Variants in B3GALNT2 observed in about 807,000 individuals in gnomAD.
The protein encoded by B3GALNT2 is beta-1,3-N-acetylgalactosaminyltransferase 2.
Under a neutral mutation model 61.1 loss-of-function variants are expected in B3GALNT2, and 53 were observed. That is an observed-to-expected ratio of 0.87 (90% CI 0.70 to 1.09). The LOEUF (loss-of-function observed/expected upper bound fraction) is 1.09. Ranked by LOEUF, B3GALNT2 falls within the 50% of genes least tolerant of loss-of-function variation. The pLI, the probability that B3GALNT2 is intolerant of heterozygous loss-of-function variation, is 0.00. For synonymous variants in B3GALNT2, 223 were observed against 237.4 expected (o/e 0.94, Z 0.56); for missense variants, 544 against 623.0 (o/e 0.87, Z 1.35).
intron 3 of B3GALNT2, among the ~76,000 whole-genome samples, chr1:235,488,755 G>C (rs1419952175): frequency 7.6e-6 from 1 of 131,118 alleles, no homozygotes; most frequent in Admixed American, 7.9e-5. Context: ...AGACATTTTA[G>C]TCTATTAAAA....
intron 3 of B3GALNT2, among the ~76,000 whole-genome samples, chr1:235,486,854 A>G (rs1029789943): frequency 6.6e-6 from 1 of 152,156 alleles, no homozygotes; most frequent in African/African-American, 2.4e-5. Context: ...ATAACATTCT[A>G]TGGGGTTTAT....
intron 6 of B3GALNT2, among the ~76,000 whole-genome samples, chr1:235,468,894 A>AG (rs1553347536): frequency 6.6e-6 from 1 of 152,238 alleles, no homozygotes; most frequent in Non-Finnish European, 1.5e-5. Context: ...AAAATTTTTC[A>AG]TAAGACTTAA....
At chr1:235,476,239 G>A (rs997166213) in intron 5 of B3GALNT2, among the ~76,000 whole-genome samples, 4 of 151,888 alleles carry the variant, frequency 2.6e-5, no homozygotes, top group East Asian at 2.0e-4. Context: ...GTGAAACCCC[G>A]TCTGTACTAA....
chr1:235,484,004 C>A (rs1265086313), intron 4 of B3GALNT2, among the ~76,000 whole-genome samples: 1 of 152,162 alleles, frequency 6.6e-6, no homozygotes, highest in African/African-American at 2.4e-5. Context: ...ACTCACTTAT[C>A]CTAAGAATCC....
intron 5 of B3GALNT2, 90 bp from the exon 6 acceptor site, chr1:235,471,050 T>A: frequency 4.5e-6 from 7 of 1,551,246 alleles, no homozygotes; most frequent in African/African-American, 1.4e-5. Flanking sequence ...TTAGAGAAAA[T>A]TTTTCCCAAA....
chr1:235,469,370 G>A (rs942087960), intron 6 of B3GALNT2, among the ~76,000 whole-genome samples: 3 of 152,060 alleles, frequency 2.0e-5, no homozygotes, highest in African/African-American at 2.4e-5. Flanking sequence ...CGTACAGACC[G>A]TTTGTTTACT....
rs760940955 is a variant in B3GALNT2 at position 235,494,807 on chromosome 1, T to C, written c.134A>G (p.Gln45Arg). The change falls in exon 2 of 12, where the codon CAG becomes CGG. Residue 45 changes from glutamine to arginine, a missense_variant. Coordinates refer to ENST00000366600, the MANE Select transcript of B3GALNT2 (RefSeq NM_152490.5). Reference sequence around the variant, plus strand: ...CACATCATAGTGAGTAGATTTCCACTGAGGAAATAAGGCCAACTGATCTAG... The same window carrying C: ...CACATCATAGTGAGTAGATTTCCACCGAGGAAATAAGGCCAACTGATCTAG... ...GPADQLALFPQWKSTHYDVVV... is the reference protein window; with the variant it reads ...GPADQLALFPRWKSTHYDVVV... 9.3e-6 allele frequency: 15 copies of C among 1,610,030 alleles called. No homozygotes were observed. The highest frequency in any genetic ancestry group is 1.3e-5 in the Non-Finnish European group (15 of 1,177,116).
At chr1:235,475,375 G>A (rs1303669361) in intron 5 of B3GALNT2, among the ~76,000 whole-genome samples, 2 of 152,030 alleles carry the variant, frequency 1.3e-5, no homozygotes, top group Non-Finnish European at 2.9e-5. Context: ...TGAGATTTAT[G>A]CTTCAGTGAG....
At chr1:235,465,551 A>G in intron 7 of B3GALNT2, 85 bp downstream of exon 7, 1 of 1,544,248 alleles carries the variant, frequency 6.5e-7, no homozygotes, top group Non-Finnish European at 8.7e-7. Context: ...TAAAAGACAA[A>G]AAAGAAAAAA....
the B3GALNT2 span, chr1:235,441,641 A>C: frequency 1.6e-6 from 1 of 619,286 alleles, no homozygotes; most frequent in Non-Finnish European, 2.9e-6. Context: ...TGCCCTTGGA[A>C]GTGGTCGTTG....
chr1:235,441,706 A>G, the B3GALNT2 span: 1 of 988,798 alleles, frequency 1.0e-6, no homozygotes, highest in East Asian at 2.6e-5. Flanking sequence ...GTCCTGGGAA[A>G]GGCACAGGCT....
chr1:235,454,370 TATTAAA>T, intron 9 of B3GALNT2, 55 bp from the exon 10 acceptor site: 1 of 1,473,910 alleles, frequency 6.8e-7, no homozygotes, highest in Non-Finnish European at 9.3e-7. Context: ...ATCCTGCCAC[TATTAAA>T]ACTTGACTCC....
chr1:235,486,028 C>T (rs1684789749), intron 3 of B3GALNT2, among the ~76,000 whole-genome samples: 1 of 152,052 alleles, frequency 6.6e-6, no homozygotes, highest in Non-Finnish European at 1.5e-5. Context: ...GAGGAAGAGG[C>T]TGCAGTGACC....
chr1:235,460,574 CTTTG>C (rs1025010700), intron 7 of B3GALNT2, among the ~76,000 whole-genome samples: 9 of 149,422 alleles, frequency 6.0e-5, no homozygotes, highest in African/African-American at 2.0e-4. Flanking sequence ...TGATTATTTC[CTTTG>C]TTTTTTTTTT....
At position 235,448,204 on chromosome 1, in the gene B3GALNT2, G is replaced by A. The variant is rs1288322541; in HGVS notation, c.*2002C>T. 1 of 687,048 alleles carries A rather than the reference G, an allele frequency of 1.5e-6. No individual in the cohort carries two copies. The highest frequency in any genetic ancestry group is 2.5e-5 in the Admixed American group (1 of 40,418). 42.6% of individuals were successfully genotyped at this position (687,048 alleles called of 1,614,324 possible). ...GACAGAGCAAGACTTACTTAAGTAAGTAAGTAAGTCAGTCTCAAAAAAAAA... is the reference window on the plus strand; with the variant it reads ...GACAGAGCAAGACTTACTTAAGTAAATAAGTAAGTCAGTCTCAAAAAAAAA... On this transcript the variant is annotated 3_prime_UTR_variant, in exon 12 of 12. Transcript: ENST00000366600.
chr1:235,474,041 C>T (rs1684124842), intron 5 of B3GALNT2, among the ~76,000 whole-genome samples: 1 of 152,180 alleles, frequency 6.6e-6, no homozygotes, highest in Non-Finnish European at 1.5e-5. Context: ...TTGACTTACT[C>T]ATGGAACTTA....
chr1:235,492,844 A>AT (rs1307703186), intron 2 of B3GALNT2, among the ~76,000 whole-genome samples: 1 of 152,176 alleles, frequency 6.6e-6, no homozygotes, highest in Non-Finnish European at 1.5e-5. Context: ...GACGTAGGAA[A>AT]TGCAAAGGCC....
At chr1:235,480,836 G>A (rs761167119) in intron 4 of B3GALNT2, among the ~76,000 whole-genome samples, 5 of 139,232 alleles carry the variant, frequency 3.6e-5, no homozygotes, top group South Asian at 2.4e-4. Flanking sequence ...AACCCAGGAG[G>A]TGGAGGCTGC....
At position 235,449,866 on chromosome 1, in the gene B3GALNT2, G is replaced by C. The variant is rs1682787847; in HGVS notation, c.*340C>G. On this transcript the variant is annotated 3_prime_UTR_variant, in exon 12 of 12. Transcript: ENST00000366600. The stretch of plus-strand genomic sequence containing the variant: ...TTACTACTACAGATTTCTGAACTAG[G>C]CCAAGTTTTAACCAAAAACTATAGG... The C allele has an allele frequency of 5.1e-6, 1 of 197,200 alleles. No homozygotes were observed. The highest frequency in any genetic ancestry group is 1.1e-5 in the Non-Finnish European group (1 of 94,524). The allele number at this position is 197,200 out of a possible 1,614,324, so 12.2% of individuals were successfully genotyped here.
Sources: allele counts gnomAD v4.1 joint callset (sites outside exome capture counted in the v4.1 genomes callset), GRCh38; gene constraint gnomAD v4.1.1; transcripts MANE v1.5; gene names NCBI Gene and HGNC (gene_info 2026-07-23, HGNC 2026-07-21).